NIPBL: variants seen among roughly 807,000 people sequenced by gnomAD.
The protein encoded by NIPBL is NIPBL cohesin loading factor, also known as nipped-B-like protein.
In NIPBL, 19 loss-of-function variants were observed where a neutral mutation model predicts 321.8. That is an observed-to-expected ratio of 0.06 (90% CI 0.04 to 0.09). The LOEUF is 0.09. Among genes scored for constraint, NIPBL ranks in the 10% least tolerant of loss-of-function variants. The pLI, the probability that NIPBL is intolerant of heterozygous loss-of-function variation, is 1.00. For synonymous variants in NIPBL, 1,106 were observed against 1,114.1 expected, an observed-to-expected ratio of 0.99 and a Z score of 0.14; for missense variants, 2,210 against 3,327.0, an observed-to-expected ratio of 0.66 and a Z score of 8.26.
chr5:37,033,087 CTT>C (rs1186280724), intron 32 of NIPBL, among the ~76,000 whole-genome samples: 4 of 152,090 alleles, frequency 2.6e-5, no homozygotes, highest in African/African-American at 7.2e-5. Flanking sequence ...GCAAGAAAAA[CTT>C]TTGATAAAAT....
At chr5:36,903,164 G>A (rs1747365720) in intron 1 of NIPBL, among the ~76,000 whole-genome samples, 1 of 152,172 alleles carries the variant, frequency 6.6e-6, no homozygotes, top group Non-Finnish European at 1.5e-5. Context: ...AGGAGTTCTT[G>A]AATAGAGACT....
intron 1 of NIPBL, among the ~76,000 whole-genome samples, chr5:36,953,012 G>A (rs1198392796): frequency 2.0e-5 from 3 of 152,086 alleles, no homozygotes; most frequent in Non-Finnish European, 4.4e-5. Context: ...AAGAATTATA[G>A]GATTTGTTTG....
chr5:37,065,437 A>G lies in NIPBL; in HGVS notation c.*545A>G, dbSNP rs886060566. 4.6e-5 allele frequency: 7 copies of G among 152,898 alleles called. No individual in the cohort carries two copies. The highest frequency in any genetic ancestry group is 1.3e-4 in the Admixed American group (2 of 15,316). 9.5% of individuals were successfully genotyped at this position (152,898 alleles called of 1,614,324 possible). ...ATTAGGTCACCCTGAAAACAATACAAGAAAAGGGATCCCCAGGTAATCTGG... is the reference window on the plus strand; with the variant it reads ...ATTAGGTCACCCTGAAAACAATACAGGAAAAGGGATCCCCAGGTAATCTGG... On this transcript the variant is annotated 3_prime_UTR_variant, in exon 47 of 47. Transcript: ENST00000282516.
chr5:36,922,124 G>A (rs1748994245), intron 1 of NIPBL, among the ~76,000 whole-genome samples: 1 of 151,962 alleles, frequency 6.6e-6, no homozygotes, highest in African/African-American at 2.4e-5. Context: ...CTGACCTCAG[G>A]CGATCTGCCC....
intron 1 of NIPBL, chr5:36,886,529 A>G (rs931043425): frequency 2.8e-6 from 2 of 713,544 alleles, no homozygotes; most frequent in Non-Finnish European, 5.1e-6. Flanking sequence ...TTTGGGGAGC[A>G]GGAGGCCCAT....
At chr5:36,972,110 C>T in intron 8 of NIPBL, 69 bp downstream of exon 8, 3 of 1,000,996 alleles carry the variant, frequency 3.0e-6, no homozygotes, top group Non-Finnish European at 4.6e-6. Context: ...CTCAGACTTC[C>T]TAAAGCAGAT....
chr5:36,938,369 C>T (rs969648873), intron 1 of NIPBL, among the ~76,000 whole-genome samples: 4 of 151,794 alleles, frequency 2.6e-5, no homozygotes, highest in African/African-American at 7.3e-5. Flanking sequence ...CACCACACCA[C>T]GAGTGAGAAA....
chr5:37,033,709 T>C (rs35138144), intron 32 of NIPBL, among the ~76,000 whole-genome samples: 4,412 of 64,554 alleles, frequency 0.068, 346 homozygotes, highest in African/African-American at 0.22. Context: ...CACACACATA[T>C]ATATATATAT....
At position 37,020,504 on chromosome 5, in the gene NIPBL, C is replaced by G; in HGVS notation, c.5056C>G (p.Leu1686Val). Residue 1686 changes from leucine to valine, a missense_variant, in exon 26 of 47, where the codon CTG becomes GTG. Leu to Val is a conservative substitution (Grantham distance 32). This residue lies in a region of NIPBL where 138 missense variants were observed against 175.8 expected (regional missense o/e 0.79). Coordinates refer to ENST00000282516, the MANE Select transcript of NIPBL (RefSeq NM_133433.4). ...YIAQWFRDTT[L>V]ETEKAMKSQK... ...AGCCCAGTGGTTTCGAGACACAACT[C>G]TGGAAACAGAAAAAGCAATGAAATC... 1 of 1,613,858 alleles carries G rather than the reference C, an allele frequency of 6.2e-7. No homozygotes were observed. The highest frequency in any genetic ancestry group is 1.3e-5 in the African/African-American group (1 of 74,984).
At chr5:37,007,132 C>T (rs1439596177) in intron 17 of NIPBL, among the ~76,000 whole-genome samples, 191 bp from the exon 18 acceptor site, 1 of 151,880 alleles carries the variant, frequency 6.6e-6, no homozygotes, top group Non-Finnish European at 1.5e-5. Context: ...TGAAGATTAT[C>T]TGATGCAAGA....
chr5:37,060,684 T>A (rs1330986471), intron 44 of NIPBL, among the ~76,000 whole-genome samples, 160 bp from the exon 45 acceptor site: 3 of 152,124 alleles, frequency 2.0e-5, no homozygotes, highest in Non-Finnish European at 4.4e-5. Flanking sequence ...TTAGGTGGTA[T>A]TAAGTAATTG....
At chr5:36,947,210 A>G (rs1360914559) in intron 1 of NIPBL, among the ~76,000 whole-genome samples, 1 of 152,056 alleles carries the variant, frequency 6.6e-6, no homozygotes, top group East Asian at 1.9e-4. Flanking sequence ...ACCCTCAATA[A>G]GTGGCTTCCA....
intron 36 of NIPBL, among the ~76,000 whole-genome samples, chr5:37,045,219 T>C (rs1326838613): frequency 2.6e-5 from 4 of 151,982 alleles, no homozygotes; most frequent in African/African-American, 4.8e-5. Context: ...CCAGGCGTGG[T>C]GGCACACGAC....
In NIPBL at chr5:37,048,649, C is replaced by A; in HGVS notation, c.6737C>A (p.Thr2246Lys). ...NLQTYLQEED[T>K]RMQQADRDWK... is the part of the protein sequence containing the mutation. Reference sequence around the variant, plus strand: ...CAGACCTACCTACAAGAAGAAGATACACGTATGCAGCAGGCAGATAGAGAC... The same window carrying A: ...CAGACCTACCTACAAGAAGAAGATAAACGTATGCAGCAGGCAGATAGAGAC... Residue 2246 changes from threonine (T) to lysine (K), a missense_variant, in exon 39 of 47, where the codon ACA becomes AAA. Around this residue, in one of 14 missense-constraint regions of NIPBL, gnomAD observed 112 missense variants for 288.3 expected, o/e 0.39. Transcript: ENST00000282516. 6.2e-7 allele frequency: 1 copy of A among 1,609,980 alleles called. No individual in the cohort carries two copies. Among genetic ancestry groups the A allele is most frequent in the South Asian group, 1.1e-5 (1 of 90,560 alleles).
intron 1 of NIPBL, among the ~76,000 whole-genome samples, chr5:36,884,015 C>T (rs1423902181): frequency 6.6e-6 from 1 of 152,028 alleles, no homozygotes; most frequent in East Asian, 1.9e-4. Flanking sequence ...CTGAAAACTA[C>T]TGATTCTTTC....
rs1198908331 is a variant in NIPBL, at chr5:37,033,674, G to A, written c.5863-2705G>A. On this transcript the variant is annotated intron_variant, in intron 32 of 46. Transcript: ENST00000282516. ...AAAATTTTTAATTACATATGTGTGTGTATATGTACATACACACACACACAC... is the reference window on the plus strand; with the variant it reads ...AAAATTTTTAATTACATATGTGTGTATATATGTACATACACACACACACAC... 1.5e-4 allele frequency among the ~76,000 whole-genome samples: 18 copies of A among 118,378 alleles called. No homozygotes were observed. The East Asian group carries it at 4.2e-3, about 27-fold the overall frequency. The allele number at this position is 118,378 out of a possible 152,430, so 77.7% of individuals were successfully genotyped here. A position where few individuals can be genotyped will look rare whatever the true frequency, so the allele number is the denominator to read the frequency against.
intron 8 of NIPBL, among the ~76,000 whole-genome samples, chr5:36,972,855 T>G (rs1743023962): frequency 6.6e-6 from 1 of 152,184 alleles, no homozygotes; most frequent in South Asian, 2.1e-4. Flanking sequence ...TATCTCTGCC[T>G]TTTAAAATTC....
intron 45 of NIPBL, 141 bp from the exon 46 acceptor site, chr5:37,063,649 T>C: frequency 1.3e-6 from 1 of 785,074 alleles, no homozygotes. Flanking sequence ...TTACAGAAAA[T>C]GTTTACTAGC....
intron 1 of NIPBL, among the ~76,000 whole-genome samples, chr5:36,930,645 T>G (rs990584871): frequency 1.3e-5 from 2 of 152,136 alleles, no homozygotes; most frequent in Non-Finnish European, 2.9e-5. Context: ...GCATTTTTGT[T>G]TTTCTCCTGA....
Sources: allele counts gnomAD v4.1 joint callset (sites outside exome capture counted in the v4.1 genomes callset), GRCh38; gene constraint gnomAD v4.1.1; regional missense constraint gnomAD v4.1.1; transcripts MANE v1.5; gene names NCBI Gene and HGNC (gene_info 2026-07-23, HGNC 2026-07-21).